Variants in ATP8B1 observed in about 807,000 individuals in gnomAD.
ATP8B1 encodes the protein phospholipid-transporting ATPase IC.
In ATP8B1, 80 loss-of-function variants were observed where a neutral mutation model predicts 149.9. That is an observed-to-expected ratio of 0.53 (90% CI 0.45 to 0.64). The LOEUF (loss-of-function observed/expected upper bound fraction) is 0.64. ATP8B1 is among the 30% of genes least tolerant of loss of function. The pLI is 0.00. For missense variants in ATP8B1, 1,247 were observed against 1,552.6 expected (o/e 0.80, Z 3.31); for synonymous variants, 536 against 562.8 (o/e 0.95, Z 0.67).
intron 24 of ATP8B1, among the ~76,000 whole-genome samples, chr18:57,653,282 C>CTTTT (rs199543849): frequency 2.1e-4 from 24 of 114,464 alleles, no homozygotes; most frequent in South Asian, 8.9e-4. Context: ...CTTTTCTTTT[C>CTTTT]TTTTTTTTTT....
At chr18:57,759,567 C>T (rs140622525) in intron 1 of ATP8B1, among the ~76,000 whole-genome samples, 4,978 of 151,618 alleles carry the variant, frequency 0.033, 237 homozygotes, top group African/African-American at 0.11. Flanking sequence ...CCCAGCACTT[C>T]GGGAGGCTGA....
At chr18:57,715,047 G>A (rs1485992793) in intron 2 of ATP8B1, among the ~76,000 whole-genome samples, 6 of 152,120 alleles carry the variant, frequency 3.9e-5, no homozygotes, top group Non-Finnish European at 7.4e-5. Context: ...AGAAATTCAA[G>A]ATAGCACAGA....
intron 21 of ATP8B1, 125 bp from the exon 22 acceptor site, chr18:57,661,587 A>C: frequency 9.6e-7 from 1 of 1,037,130 alleles, no homozygotes; most frequent in South Asian, 1.6e-5. Context: ...TTGACAAATA[A>C]ATTTGATTTT....
intron 1 of ATP8B1, among the ~76,000 whole-genome samples, chr18:57,747,709 A>C (rs143025504): frequency 6.6e-6 from 1 of 152,316 alleles, no homozygotes; most frequent in African/African-American, 2.4e-5. Context: ...AGATACTATC[A>C]TGGTTTCCTG....
chr18:57,725,251 T>TAAA (rs61391603), intron 2 of ATP8B1, among the ~76,000 whole-genome samples: 17 of 144,744 alleles, frequency 1.2e-4, no homozygotes, highest in Admixed American at 3.4e-4. Flanking sequence ...TAAAGTATAA[T>TAAA]AAAAAAAAAA....
chr18:57,649,029 C>T (rs1179381789), intron 27 of ATP8B1, among the ~76,000 whole-genome samples: 1 of 152,126 alleles, frequency 6.6e-6, no homozygotes, highest in African/African-American at 2.4e-5. Flanking sequence ...TCCTGAGTAA[C>T]TGGGGTTACA....
At chr18:57,786,751 G>A (rs1262948555) in intron 1 of ATP8B1, among the ~76,000 whole-genome samples, 1 of 152,184 alleles carries the variant, frequency 6.6e-6, no homozygotes, top group African/African-American at 2.4e-5. Flanking sequence ...AAAGTGCTGG[G>A]ATTACAGGCG....
chr18:57,755,989 T>G (rs553635785), intron 1 of ATP8B1, among the ~76,000 whole-genome samples: 8 of 151,892 alleles, frequency 5.3e-5, no homozygotes, highest in Non-Finnish European at 1.2e-4. Context: ...AGGGGTAGTC[T>G]CTCACATTCT....
intron 1 of ATP8B1, among the ~76,000 whole-genome samples, chr18:57,771,988 A>G (rs560762445): frequency 6.6e-6 from 1 of 152,204 alleles, no homozygotes; most frequent in Non-Finnish European, 1.5e-5. Flanking sequence ...CTCCTAAAAA[A>G]CATGTTATGT....
intron 24 of ATP8B1, among the ~76,000 whole-genome samples, chr18:57,653,647 A>G (rs894225679): frequency 2.0e-5 from 3 of 149,860 alleles, no homozygotes; most frequent in African/African-American, 7.3e-5. Context: ...ATGTGTGCCA[A>G]TGAATTCAAC....
chr18:57,802,782 G>A lies in ATP8B1; in HGVS notation c.-26+216C>T, dbSNP rs781700745. On this transcript the variant is annotated intron_variant, in intron 1 of 27. Transcript: ENST00000648908. The surrounding 1 kb of genome is among the most constrained non-coding windows in gnomAD (Gnocchi z 4.9). ...TCTCCGCAGCGCTGCCTGCCCAGCC[G>A]GCCGTGTCTCGCCGTCCCCGAGGCC... is the stretch of plus-strand genomic sequence containing the variant. Among the ~76,000 whole-genome samples, 2 of 152,162 alleles carry A rather than the reference G, an allele frequency of 1.3e-5. No individual in the cohort carries two copies. Among genetic ancestry groups the A allele is most frequent in the Non-Finnish European group, 2.9e-5 (2 of 68,024 alleles).
intron 1 of ATP8B1, among the ~76,000 whole-genome samples, chr18:57,777,688 C>A (rs2080317432): frequency 1.3e-5 from 2 of 152,286 alleles, no homozygotes; most frequent in South Asian, 4.1e-4. Context: ...CCCACCTCGG[C>A]TTCTCAAGTA....
At chr18:57,737,589 A>AG (rs2079870998) in intron 1 of ATP8B1, among the ~76,000 whole-genome samples, 1 of 146,162 alleles carries the variant, frequency 6.8e-6, no homozygotes, top group Non-Finnish European at 1.5e-5. Context: ...TTTTTTTTAA[A>AG]GAGATAGGCT....
At chr18:57,738,873 G>A (rs987186092) in intron 1 of ATP8B1, among the ~76,000 whole-genome samples, 5 of 152,030 alleles carry the variant, frequency 3.3e-5, no homozygotes, top group Admixed American at 6.5e-5. Flanking sequence ...TATGGCCCCC[G>A]AAGTCATATG....
intron 21 of ATP8B1, 38 bp from the exon 22 acceptor site, chr18:57,661,500 A>G: frequency 1.2e-6 from 2 of 1,602,356 alleles, no homozygotes; most frequent in African/African-American, 1.3e-5. Flanking sequence ...CATTCACTTT[A>G]GTTTTACCCC....
chr18:57,783,826 C>A (rs565529152), intron 1 of ATP8B1, among the ~76,000 whole-genome samples: 86 of 151,904 alleles, frequency 5.7e-4, no homozygotes, highest in Non-Finnish European at 8.1e-4. Context: ...CAGAGTGAGA[C>A]CCCGTCTTAA....
intron 1 of ATP8B1, among the ~76,000 whole-genome samples, chr18:57,756,060 T>C (rs1239501716): frequency 6.6e-6 from 1 of 151,292 alleles, no homozygotes; most frequent in African/African-American, 2.4e-5. Flanking sequence ...TTCACAGTTA[T>C]CTAATAGTCT....
chr18:57,678,005 C>T (rs1378026599), intron 15 of ATP8B1, among the ~76,000 whole-genome samples: 1 of 152,098 alleles, frequency 6.6e-6, no homozygotes, highest in Non-Finnish European at 1.5e-5. Flanking sequence ...GAATTGCAGA[C>T]TAACAGAGAT....
intron 1 of ATP8B1, among the ~76,000 whole-genome samples, chr18:57,767,433 G>A (rs1285728602): frequency 2.0e-5 from 3 of 152,148 alleles, no homozygotes; most frequent in Non-Finnish European, 4.4e-5. Flanking sequence ...AGCCAGATCA[G>A]CAGTTGCACT....
Sources: gnomAD v4.1 joint callset for allele counts (sites outside exome capture counted in the v4.1 genomes callset) on GRCh38, gnomAD v4.1.1 for gene constraint, Gnocchi (gnomAD v3.1) non-coding constraint, MANE v1.5 for transcripts, NCBI Gene and HGNC (gene_info 2026-07-23, HGNC 2026-07-21) for gene names.